The following HOMER1 variants were observed in gnomAD, a reference collection of about 807,000 sequenced individuals.
HOMER1 encodes the protein homer protein homolog 1.
In HOMER1, 3 loss-of-function variants were observed where a neutral mutation model predicts 48.9. The ratio of observed to expected loss-of-function variants is 0.06; its 90% CI spans 0.03 to 0.16. HOMER1 has a LOEUF of 0.16. HOMER1 is among the 10% of genes least tolerant of loss of function. HOMER1 has a pLI of 1.00. For missense variants in HOMER1, 247 were observed against 411.4 expected (o/e 0.60, Z 3.46); for synonymous variants, 134 against 146.4 (o/e 0.92, Z 0.61).
At chr5:79,467,048 C>G (rs1260517851) in intron 1 of HOMER1, among the ~76,000 whole-genome samples, 1 of 152,062 alleles carries the variant, frequency 6.6e-6, no homozygotes, top group African/African-American at 2.4e-5. Flanking sequence ...CCTCGGCCTC[C>G]CAATGTGCTG....
chr5:79,456,745 T>C, intron 2 of HOMER1, 117 bp downstream of exon 2: 1 of 919,100 alleles, frequency 1.1e-6, no homozygotes, highest in East Asian at 2.6e-5. Flanking sequence ...TTAAAAGTTT[T>C]AAGAACTCAA....
At chr5:79,503,532 GAGAA>G (rs760821527) in intron 1 of HOMER1, among the ~76,000 whole-genome samples, 23,879 of 93,732 alleles carry the variant, frequency 0.25, 2,487 homozygotes, top group African/African-American at 0.27. Flanking sequence ...CTGTCACAAA[GAGAA>G]AAAAAAAAAA....
chr5:79,378,167 C>T lies in HOMER1; in HGVS notation c.877-1970G>A, dbSNP rs115187141. Among the ~76,000 whole-genome samples, 822 of 139,570 alleles carry T rather than the reference C, an allele frequency of 5.9e-3. 3 individuals are homozygous for T. The highest frequency in any genetic ancestry group is 0.021 in the African/African-American group (766 of 36,488). 91.6% of individuals were successfully genotyped at this position (139,570 alleles called of 152,430 possible). On this transcript the variant is annotated intron_variant, in intron 8 of 8. Coordinates refer to ENST00000334082, the MANE Select transcript of HOMER1 (RefSeq NM_004272.5). ...CCGGGAGGCAGAGGTTGTGGTGAGC[C>T]GAAATTACGTTACTGCACTCCAGCC...
chr5:79,453,079 C>T (rs1284162708), intron 2 of HOMER1, among the ~76,000 whole-genome samples: 1 of 152,164 alleles, frequency 6.6e-6, no homozygotes, highest in Non-Finnish European at 1.5e-5. Context: ...TTGGAAATTA[C>T]AGTCTAGAAT....
intron 6 of HOMER1, 26 bp downstream of exon 6, chr5:79,401,873 C>T (rs2112220886): frequency 1.9e-6 from 3 of 1,611,186 alleles, no homozygotes; most frequent in South Asian, 1.1e-5. Context: ...GCCCTAAATC[C>T]CTATAGACAT....
intron 8 of HOMER1, among the ~76,000 whole-genome samples, chr5:79,379,094 AT>A (rs1268479489): frequency 1.8e-5 from 1 of 56,316 alleles, no homozygotes; most frequent in Non-Finnish European, 2.7e-5. Context: ...ATATATATAT[AT>A]ATATATATAT....
rs935603450 is a variant in HOMER1 at position 79,432,843 on chromosome 5, T to A, written c.527+6167A>T. ...AAAATACTATTGTTCACAATTATAG[T>A]AAAAAAATTCTGACATCTCTAAATT... On this transcript the variant is annotated intron_variant, in intron 5 of 8. Transcript: ENST00000334082. Among the ~76,000 whole-genome samples, 5 of 152,078 alleles carry A rather than the reference T, an allele frequency of 3.3e-5. No homozygotes were observed. The East Asian group carries it at 5.8e-4, about 18-fold the overall frequency.
At chr5:79,462,455 TA>T (rs1751341727) in intron 1 of HOMER1, among the ~76,000 whole-genome samples, 1 of 152,192 alleles carries the variant, frequency 6.6e-6, no homozygotes, top group Admixed American at 6.5e-5. Flanking sequence ...TGATGGATGC[TA>T]AAACTTACTA....
At chr5:79,457,655 T>C (rs1255191643) in intron 1 of HOMER1, among the ~76,000 whole-genome samples, 1 of 152,180 alleles carries the variant, frequency 6.6e-6, no homozygotes, top group Non-Finnish European at 1.5e-5. Context: ...ACAATATATA[T>C]TAAGCAAGGT....
intron 1 of HOMER1, among the ~76,000 whole-genome samples, chr5:79,464,815 T>C (rs140214927): frequency 2.0e-5 from 3 of 152,312 alleles, no homozygotes; most frequent in Non-Finnish European, 4.4e-5. Context: ...ATACATACAA[T>C]GTTCTTTTTT....
intron 1 of HOMER1, among the ~76,000 whole-genome samples, chr5:79,492,762 G>C (rs550307458): frequency 6.6e-6 from 1 of 152,058 alleles, no homozygotes; most frequent in Admixed American, 6.5e-5. Context: ...TCCAAGATAA[G>C]AAATGTTCTT....
At chr5:79,498,883 G>C (rs1752497096) in intron 1 of HOMER1, among the ~76,000 whole-genome samples, 1 of 150,588 alleles carries the variant, frequency 6.6e-6, no homozygotes, top group South Asian at 2.1e-4. Flanking sequence ...CGCCAGGCTG[G>C]AGTGCAAAGT....
At chr5:79,379,425 A>T (rs1176423569) in intron 8 of HOMER1, among the ~76,000 whole-genome samples, 2 of 117,606 alleles carry the variant, frequency 1.7e-5, no homozygotes, top group South Asian at 2.4e-4. Context: ...TATTTTATAT[A>T]TTATATATTT....
At chr5:79,463,250 AGTTGG>A (rs1471042753) in intron 1 of HOMER1, among the ~76,000 whole-genome samples, 3 of 152,214 alleles carry the variant, frequency 2.0e-5, no homozygotes, top group Non-Finnish European at 4.4e-5. Flanking sequence ...TCTTGCCAGA[AGTTGG>A]GTTAGGAATG....
intron 5 of HOMER1, among the ~76,000 whole-genome samples, chr5:79,408,472 T>G (rs889246243): frequency 2.6e-5 from 4 of 151,734 alleles, no homozygotes; most frequent in Non-Finnish European, 5.9e-5. Flanking sequence ...ATTATTAAAA[T>G]GAAGATAATT....
intron 1 of HOMER1, chr5:79,510,874 G>T (rs1752923694): frequency 2.9e-6 from 2 of 697,332 alleles, no homozygotes; most frequent in Non-Finnish European, 5.1e-6. Flanking sequence ...AGGTGCCCAG[G>T]CCCCTACAGA....
chr5:79,437,783 G>A, intron 5 of HOMER1, among the ~76,000 whole-genome samples: 1 of 152,136 alleles, frequency 6.6e-6, no homozygotes, highest in Non-Finnish European at 1.5e-5. Context: ...CTCCCAAGTA[G>A]CTAAGACTAC....
At chr5:79,469,305 C>T (rs999837633) in intron 1 of HOMER1, among the ~76,000 whole-genome samples, 1 of 152,138 alleles carries the variant, frequency 6.6e-6, no homozygotes, top group African/African-American at 2.4e-5. Context: ...TTAAACTAGA[C>T]GTCAAAAATA....
chr5:79,441,104 G>A lies in HOMER1; in HGVS notation c.388-1955C>T, dbSNP rs989612789. Among the ~76,000 whole-genome samples the A allele has an allele frequency of 7.9e-5, 12 of 152,054 alleles. 1 individual carries two copies. Among genetic ancestry groups the A allele is most frequent in the South Asian group, 6.2e-4 (3 of 4,814 alleles). On this transcript the variant is annotated intron_variant, in intron 4 of 8. Coordinates refer to ENST00000334082, the MANE Select transcript of HOMER1 (RefSeq NM_004272.5). ...GAACCTGGGAGGTGGAGGTTCCAGCGAGCCGAGATCACTGCACTCCAGCCT... is the reference window on the plus strand; with the variant it reads ...GAACCTGGGAGGTGGAGGTTCCAGCAAGCCGAGATCACTGCACTCCAGCCT...
Sources: gnomAD v4.1 joint callset for allele counts (sites outside exome capture counted in the v4.1 genomes callset) on GRCh38, gnomAD v4.1.1 for gene constraint, MANE v1.5 for transcripts, NCBI Gene and HGNC (gene_info 2026-07-23, HGNC 2026-07-21) for gene names.